TMC5: variants seen among roughly 807,000 people sequenced by gnomAD.
TMC5 encodes transmembrane channel like 5.
TMC5 carries 86 observed loss-of-function variants against 110.5 expected under a neutral mutation model. The ratio of observed to expected loss-of-function variants is 0.78; its 90% CI spans 0.65 to 0.93. The LOEUF is 0.93. Ranked by LOEUF, TMC5 falls within the 40% of genes least tolerant of loss-of-function variation. The probability of loss-of-function intolerance (pLI) is 0.00; values close to 1 mark genes in which losing one functional copy is unlikely to be tolerated. For synonymous variants in TMC5, 455 were observed against 439.5 expected (o/e 1.04, Z -0.44); for missense variants, 1,144 against 1,222.8 (o/e 0.94, Z 0.96).
intron 2 of TMC5, among the ~76,000 whole-genome samples, chr16:19,431,873 A>T (rs547766463): frequency 5.5e-4 from 84 of 152,188 alleles, no homozygotes; most frequent in Non-Finnish European, 1.1e-3. Context: ...TGACGGTTCC[A>T]TGGTATTCCA....
chr16:19,413,512 A>G (rs1966862546), upstream of TMC5, among the ~76,000 whole-genome samples: 1 of 124,620 alleles, frequency 8.0e-6, no homozygotes, highest in African/African-American at 3.0e-5. Context: ...CGACATTGCC[A>G]AACCCTGCCT....
In TMC5 at chr16:19,423,257, A is replaced by G. The variant is rs1186545955; in HGVS notation, c.-308+5165A>G. On this transcript the variant is annotated intron_variant, in intron 1 of 21. Transcript: ENST00000542583. Reference sequence around the variant, plus strand: ...CTTGGCTGTGGGGGCTGTCTTGTGCATTAGAGGATGGTTAACAGCATCCCT... The same window carrying G: ...CTTGGCTGTGGGGGCTGTCTTGTGCGTTAGAGGATGGTTAACAGCATCCCT... 3.9e-5 allele frequency among the ~76,000 whole-genome samples: 6 copies of G among 152,290 alleles called. No individual in the cohort carries two copies. In the East Asian group the frequency reaches 1.2e-3, roughly 29 times the overall value.
chr16:19,418,530 T>C (rs1966907406), intron 1 of TMC5, among the ~76,000 whole-genome samples: 1 of 152,168 alleles, frequency 6.6e-6, no homozygotes, highest in Admixed American at 6.5e-5. Context: ...TGGAGCATCA[T>C]GTTCTAGAAG....
chr16:19,473,338 T>C, intron 11 of TMC5, among the ~76,000 whole-genome samples: 1 of 84,918 alleles, frequency 1.2e-5, no homozygotes, highest in African/African-American at 6.2e-5. Flanking sequence ...AGAGCGAGAC[T>C]CCGGCTCAAA....
At chr16:19,456,566 TTAAAAA>T (rs1967877777) in intron 5 of TMC5, 1 of 1,439,144 alleles carries the variant, frequency 6.9e-7, no homozygotes, top group South Asian at 1.5e-5. Flanking sequence ...TCCTGGCATT[TTAAAAA>T]TAATGTGAAT....
intron 4 of TMC5, among the ~76,000 whole-genome samples, chr16:19,448,296 ACACACACG>A (rs201444547): frequency 3.3e-3 from 248 of 74,146 alleles, no homozygotes; most frequent in African/African-American, 0.012. Context: ...CATTATTTAC[ACACACACG>A]CACACACACA....
Position 19,440,825 on chromosome 16 carries a change from G to T in TMC5, c.787G>T (p.Gly263Trp), listed in dbSNP as rs1291882855. The change falls in exon 3 of 22, where the codon GGG (glycine) becomes TGG (tryptophan). Residue 263 changes from glycine to tryptophan, a missense_variant and splice_region_variant. Gly to Trp is a radical substitution (Grantham distance 184). Transcript: ENST00000542583. ...GSSETPKMTR[G>W]VLSRTSSIQP... ...TTCTGAGACCCCAAAGATGACCAGGGGGTAAGTTCAGATATATATCCCTTC... is the reference window on the plus strand; with the variant it reads ...TTCTGAGACCCCAAAGATGACCAGGTGGTAAGTTCAGATATATATCCCTTC... 6.2e-7 allele frequency: 1 copy of T among 1,611,816 alleles called. No homozygotes were observed. The highest frequency in any genetic ancestry group is 8.5e-7 in the Non-Finnish European group (1 of 1,179,218).
chr16:19,411,404 C>T (rs1966855519), intron 1 of TMC5: 5 of 152,158 alleles, frequency 3.3e-5, no homozygotes, highest in Admixed American at 1.3e-4. Flanking sequence ...GTTATTTCTC[C>T]TGGGGTAATC....
upstream of TMC5, among the ~76,000 whole-genome samples, chr16:19,416,251 C>CTAGG (rs1159379767): frequency 6.6e-6 from 1 of 150,780 alleles, no homozygotes; most frequent in Non-Finnish European, 1.5e-5. Flanking sequence ...AATTATAGAA[C>CTAGG]TAGGACATTC....
rs35284193 is a variant in TMC5, at chr16:19,435,335, CAAA to C, written c.-79-4610_-79-4608del. 9.6e-3 allele frequency among the ~76,000 whole-genome samples: 1,338 copies of C among 138,776 alleles called. 5 individuals carry two copies. Among genetic ancestry groups the C allele is most frequent in the African/African-American group, 0.02 (730 of 37,404 alleles). 91.0% of individuals were successfully genotyped at this position (138,776 alleles called of 152,430 possible). On this transcript the variant is annotated intron_variant, in intron 2 of 21. Coordinates refer to ENST00000542583, the MANE Select transcript of TMC5 (RefSeq NM_001261841.2). ...TGAAACCCCATCTCTACTAAAAATA[CAAA>C]AAAAAAAAAAAAAATTAGCCGGGCA...
intron 4 of TMC5, among the ~76,000 whole-genome samples, chr16:19,447,898 C>CTAACTAAG (rs1555481899): frequency 6.7e-6 from 1 of 149,998 alleles, no homozygotes; most frequent in African/African-American, 2.5e-5. Context: ...CTCAGAGATG[C>CTAACTAAG]TAAGACACAC....
chr16:19,438,441 G>GAAAGAAAGAAAGAAAGAAAGAAAGAAAT lies in TMC5; in HGVS notation c.-79-1500_-79-1499insGAAAGAAATAAAGAAAGAAAGAAAGAAA, dbSNP rs1967405369. Among the ~76,000 whole-genome samples, 3 of 143,616 alleles carry GAAAGAAAGAAAGAAAGAAAGAAAGAAAT rather than the reference G, an allele frequency of 2.1e-5. No homozygotes were observed. In the South Asian group the frequency reaches 6.9e-4, roughly 33 times the overall value. 94.2% of individuals were successfully genotyped at this position (143,616 alleles called of 152,430 possible). On this transcript the variant is annotated intron_variant, in intron 2 of 21. Coordinates refer to ENST00000542583, the MANE Select transcript of TMC5 (RefSeq NM_001261841.2). ...GAAAAGAAAAAGAAAGAAAGAGAAAGAAAGAAAGAAAGAAAGAAAACTCAA... is the reference window on the plus strand; with the variant it reads ...GAAAAGAAAAAGAAAGAAAGAGAAAGAAAGAAAGAAAGAAAGAAAGAAAGAAATAAAGAAAGAAAGAAAGAAAACTCAA...
chr16:19,436,908 G>A lies in TMC5; in HGVS notation c.-79-3052G>A, dbSNP rs554942072. Among the ~76,000 whole-genome samples, 5 of 152,336 alleles carry A rather than the reference G, an allele frequency of 3.3e-5. No individual in the cohort carries two copies. In the South Asian group the frequency reaches 6.2e-4, roughly 19 times the overall value. ...AATTTCCTAACTTTGGCCGGTTGCAGTGGCTAACACCTGTAATCCTAGCAC... is the reference window on the plus strand; with the variant it reads ...AATTTCCTAACTTTGGCCGGTTGCAATGGCTAACACCTGTAATCCTAGCAC... On this transcript the variant is annotated intron_variant, in intron 2 of 21. Coordinates refer to ENST00000542583, the MANE Select transcript of TMC5 (RefSeq NM_001261841.2).
At chr16:19,484,671 G>A (rs1968693913) in intron 15 of TMC5, among the ~76,000 whole-genome samples, 1 of 151,338 alleles carries the variant, frequency 6.6e-6, no homozygotes, top group South Asian at 2.1e-4. Flanking sequence ...TGAGGCAGGA[G>A]AATCACTTGA....
chr16:19,469,948 G>A, intron 10 of TMC5, 123 bp downstream of exon 10: 19 of 1,096,516 alleles, frequency 1.7e-5, no homozygotes, highest in Non-Finnish European at 2.3e-5. Flanking sequence ...AGGCTGGAGT[G>A]CAGTGGCGCA....
At position 19,472,159 on chromosome 16, in the gene TMC5, C is replaced by T; in HGVS notation, c.1854C>T (p.Ala618=). 1.2e-6 allele frequency: 2 copies of T among 1,614,218 alleles called. No homozygotes were observed. The highest frequency in any genetic ancestry group is 2.2e-5 in the South Asian group (2 of 91,086). ...ATCAGCTGCTGACCCGCTTCTCTGC[C>T]TACATGGTAGCCTGGGTTGTCTCTA... ...TFNQLLTRFS[A]YMVAWVVSTG... is the part of the protein sequence containing the mutation. The change falls in exon 11 of 22, where the codon GCC becomes GCT. Residue 618 remains alanine (A), a synonymous_variant. Transcript: ENST00000542583.
intron 2 of TMC5, among the ~76,000 whole-genome samples, chr16:19,434,582 C>A (rs1350815570): frequency 6.6e-6 from 1 of 151,118 alleles, no homozygotes; most frequent in South Asian, 2.1e-4. Context: ...CCTTGGTCTC[C>A]CAAAGTGCTG....
chr16:19,425,504 T>C (rs1967072396), intron 1 of TMC5, among the ~76,000 whole-genome samples: 1 of 152,184 alleles, frequency 6.6e-6, no homozygotes, highest in Non-Finnish European at 1.5e-5. Flanking sequence ...AGCTTTACTG[T>C]GTCTCTGAGA....
chr16:19,453,107 G>A (rs1967787751), intron 5 of TMC5, among the ~76,000 whole-genome samples: 1 of 151,802 alleles, frequency 6.6e-6, no homozygotes, highest in Admixed American at 6.6e-5. Flanking sequence ...GAACCTGGCT[G>A]TCTTCATCAT....
Sources: gnomAD v4.1 joint callset for allele counts (sites outside exome capture counted in the v4.1 genomes callset) on GRCh38, gnomAD v4.1.1 for gene constraint, MANE v1.5 for transcripts, NCBI Gene and HGNC (gene_info 2026-07-23, HGNC 2026-07-21) for gene names.